The following LMAN1 variants were observed in gnomAD, a reference collection of about 807,000 sequenced individuals.
LMAN1 encodes protein ERGIC-53.
LMAN1 carries 32 observed loss-of-function variants against 67.8 expected under a neutral mutation model. That is an observed-to-expected ratio of 0.47 (90% CI 0.36 to 0.63). LMAN1 has a LOEUF of 0.63. Among genes scored for constraint, LMAN1 ranks in the 30% least tolerant of loss-of-function variants. The pLI is 0.00. For missense variants in LMAN1, 632 were observed against 628.2 expected, an observed-to-expected ratio of 1.01 and a Z score of -0.06; for synonymous variants, 235 against 219.3, an observed-to-expected ratio of 1.07 and a Z score of -0.63.
chr18:59,339,387 C>T (rs1049402506), intron 8 of LMAN1, among the ~76,000 whole-genome samples: 2 of 152,124 alleles, frequency 1.3e-5, no homozygotes, highest in Non-Finnish European at 2.9e-5. Context: ...TTTGAGGCAG[C>T]TTGCCCAGCC....
Position 59,355,321 on chromosome 18 carries a change from C to T in LMAN1, c.469G>A (p.Asp157Asn). The change falls in exon 3 of 13, where the codon GAT (aspartate) becomes AAT (asparagine). Residue 157 changes from aspartate to asparagine, a missense_variant. Coordinates refer to ENST00000251047, the MANE Select transcript of LMAN1 (RefSeq NM_005570.4). The part of the protein sequence containing the change: ...VGIFFDSFDN[D>N]GKKNNPAIVI... ...CCTGACAATAAATATACCTTTCCAT[C>T]ATTGTCAAAAGAATCAAAAAATATT... 6.2e-7 allele frequency: 1 copy of T among 1,609,332 alleles called. No homozygotes were observed. Among genetic ancestry groups the T allele is most frequent in the Non-Finnish European group, 8.5e-7 (1 of 1,176,044 alleles).
intron 1 of LMAN1, 101 bp downstream of exon 1, chr18:59,358,930 G>C: frequency 8.3e-7 from 1 of 1,209,320 alleles, no homozygotes; most frequent in Non-Finnish European, 1.2e-6. Context: ...TGCAGCTGCT[G>C]GAACGGGAAC....
intron 5 of LMAN1, among the ~76,000 whole-genome samples, chr18:59,349,515 G>T (rs193026374): frequency 1.3e-5 from 2 of 152,210 alleles, no homozygotes; most frequent in East Asian, 3.9e-4. Context: ...GAAGACCTAG[G>T]GAGTCATCAT....
chr18:59,352,193 A>T (rs1019436779), intron 5 of LMAN1, among the ~76,000 whole-genome samples: 5 of 152,166 alleles, frequency 3.3e-5, no homozygotes, highest in African/African-American at 1.2e-4. Context: ...AACTAAACTC[A>T]TTACCAACCC....
At chr18:59,343,654 G>T (rs1908336911) in intron 8 of LMAN1, among the ~76,000 whole-genome samples, 1 of 152,028 alleles carries the variant, frequency 6.6e-6, no homozygotes, top group Admixed American at 6.6e-5. Flanking sequence ...ATTAACTCAA[G>T]ATGGATTAAA....
At chr18:59,347,646 A>G in intron 6 of LMAN1, 75 bp from the exon 7 acceptor site, 2 of 1,059,958 alleles carry the variant, frequency 1.9e-6, no homozygotes, top group African/African-American at 1.6e-5. Flanking sequence ...GTATTTTATC[A>G]ATATTTATTG....
chr18:59,336,475 T>C (rs1908150350), intron 10 of LMAN1, among the ~76,000 whole-genome samples: 2 of 152,168 alleles, frequency 1.3e-5, no homozygotes, highest in African/African-American at 2.4e-5. Context: ...GGAATAAGTA[T>C]CCATGAGTCT....
intron 5 of LMAN1, among the ~76,000 whole-genome samples, chr18:59,350,985 A>C (rs1343692860): frequency 3.3e-5 from 5 of 152,116 alleles, no homozygotes; most frequent in Admixed American, 3.3e-4. Context: ...TGCAATATTT[A>C]AGATCTCTTG....
At chr18:59,342,025 A>C (rs967209698) in intron 8 of LMAN1, among the ~76,000 whole-genome samples, 2 of 152,132 alleles carry the variant, frequency 1.3e-5, no homozygotes, top group African/African-American at 4.8e-5. Context: ...AATACACAAA[A>C]GATCGTCAGA....
intron 5 of LMAN1, among the ~76,000 whole-genome samples, chr18:59,351,137 T>A (rs560123545): frequency 7.2e-5 from 11 of 152,308 alleles, no homozygotes; most frequent in African/African-American, 2.4e-4. Context: ...CACTTCACAT[T>A]GGCACAATAT....
At chr18:59,349,269 A>G in intron 5 of LMAN1, 33 bp from the exon 6 acceptor site, 1 of 1,589,416 alleles carries the variant, frequency 6.3e-7, no homozygotes, top group Admixed American at 1.7e-5. Flanking sequence ...TAGCTTTTGC[A>G]AAAGACATTA....
chr18:59,347,026 C>T (rs1012685599), intron 7 of LMAN1, among the ~76,000 whole-genome samples: 4 of 151,910 alleles, frequency 2.6e-5, no homozygotes, highest in East Asian at 2.0e-4. Flanking sequence ...GTCAGGAGAT[C>T]GAGACCATCC....
intron 8 of LMAN1, among the ~76,000 whole-genome samples, chr18:59,341,945 CAAGAA>C (rs1335712017): frequency 6.6e-6 from 1 of 151,842 alleles, no homozygotes; most frequent in Non-Finnish European, 1.5e-5. Context: ...CTAGACTAGG[CAAGAA>C]AAGAAGAGAG....
At chr18:59,351,556 T>C (rs1485592537) in intron 5 of LMAN1, 1 of 152,230 alleles carries the variant, frequency 6.6e-6, no homozygotes, top group Non-Finnish European at 1.5e-5. Flanking sequence ...TAAGTCAGTC[T>C]GGGAAATGTG....
Position 59,347,575 on chromosome 18 carries a change from C to T in LMAN1, c.764-4G>A. 6.4e-7 allele frequency: 1 copy of T among 1,560,644 alleles called. No homozygotes were observed. The highest frequency in any genetic ancestry group is 8.7e-7 in the Non-Finnish European group (1 of 1,147,004). ...AAAGAAAGGACATCATGGTCATCTA[C>T]AAATTAAAAAAAAAAAAGTCTGAAA... On this transcript the variant is annotated splice_region_variant and splice_polypyrimidine_tract_variant and intron_variant, in intron 6 of 12. Coordinates refer to ENST00000251047, the MANE Select transcript of LMAN1 (RefSeq NM_005570.4).
Position 59,354,634 on chromosome 18 carries a change from C to A in LMAN1, c.478-54G>T, listed in dbSNP as rs371184928. 10 of 913,286 alleles carry A rather than the reference C, an allele frequency of 1.1e-5. No individual in the cohort carries two copies. The African/African-American group carries it at 1.3e-4, about 12-fold the overall frequency. 56.6% of individuals were successfully genotyped at this position (913,286 alleles called of 1,614,324 possible). On this transcript the variant is annotated intron_variant, in intron 3 of 12. Coordinates refer to ENST00000251047, the MANE Select transcript of LMAN1 (RefSeq NM_005570.4). Reference sequence around the variant, plus strand: ...TGTCTTTAATCAAAGCATTCTACATCATTCTTGATGTACTATGAAGTGACT... The same window carrying A: ...TGTCTTTAATCAAAGCATTCTACATAATTCTTGATGTACTATGAAGTGACT...
intron 9 of LMAN1, 36 bp from the exon 10 acceptor site, chr18:59,338,663 T>C (rs1908217302): frequency 1.2e-6 from 2 of 1,607,492 alleles, no homozygotes; most frequent in Non-Finnish European, 1.7e-6. Flanking sequence ...AGCTGAATAA[T>C]CCACATTCTA....
chr18:59,358,301 A>C (rs1908707875), intron 1 of LMAN1, among the ~76,000 whole-genome samples: 1 of 152,270 alleles, frequency 6.6e-6, no homozygotes, highest in Admixed American at 6.5e-5. Context: ...ATGTAATGCT[A>C]TTCTTAGTCT....
At chr18:59,354,646 ACTAT>A in intron 3 of LMAN1, 66 bp from the exon 4 acceptor site, 9 of 808,448 alleles carry the variant, frequency 1.1e-5, no homozygotes, top group Non-Finnish European at 1.9e-5. Context: ...TTCTTGATGT[ACTAT>A]GAAGTGACTT....
Sources: gnomAD v4.1 joint callset for allele counts (sites outside exome capture counted in the v4.1 genomes callset) on GRCh38, gnomAD v4.1.1 for gene constraint, MANE v1.5 for transcripts, NCBI Gene and HGNC (gene_info 2026-07-23, HGNC 2026-07-21) for gene names.